The following LOC128092253 variants were observed in gnomAD, a reference collection of about 807,000 sequenced individuals.
chr6:133,973,589 T>C, the LOC128092253 span, among the ~76,000 whole-genome samples: 2 of 152,214 alleles, frequency 1.3e-5, no homozygotes, highest in Admixed American at 6.5e-5. Flanking sequence ...ATGTTTTCCA[T>C]TTAAGGTTTC....
chr6:133,967,078 CT>C, the LOC128092253 span, among the ~76,000 whole-genome samples: 1 of 152,202 alleles, frequency 6.6e-6, no homozygotes, highest in African/African-American at 2.4e-5. Flanking sequence ...TTCCTTTTCA[CT>C]TTTCTCACCG....
the LOC128092253 span, among the ~76,000 whole-genome samples, chr6:133,954,136 T>G: frequency 6.6e-6 from 1 of 152,218 alleles, no homozygotes; most frequent in Non-Finnish European, 1.5e-5. Context: ...GAGATGTGCA[T>G]CTGCAGGCTC....
chr6:133,972,603 A>G, the LOC128092253 span, among the ~76,000 whole-genome samples: 1 of 152,186 alleles, frequency 6.6e-6, no homozygotes, highest in African/African-American at 2.4e-5. Flanking sequence ...CTGTGTTCCA[A>G]TAAAACTTTT....
the LOC128092253 span, among the ~76,000 whole-genome samples, chr6:133,976,948 A>G: frequency 6.6e-6 from 1 of 151,802 alleles, no homozygotes. Flanking sequence ...AGCCTGGGCA[A>G]CAAAGCGAGA....
At chr6:133,958,965 T>C in the LOC128092253 span, among the ~76,000 whole-genome samples, 1 of 152,162 alleles carries the variant, frequency 6.6e-6, no homozygotes, top group Non-Finnish European at 1.5e-5. Flanking sequence ...AGAGAGGAAA[T>C]GATCATGACT....
the LOC128092253 span, among the ~76,000 whole-genome samples, chr6:133,974,891 A>C: frequency 6.6e-6 from 1 of 152,230 alleles, no homozygotes; most frequent in Admixed American, 6.5e-5. Flanking sequence ...CTAAGAAAAA[A>C]TGAATTTTAA....
the LOC128092253 span, among the ~76,000 whole-genome samples, chr6:133,971,628 A>C: frequency 1.3e-5 from 2 of 151,854 alleles, no homozygotes; most frequent in Non-Finnish European, 2.9e-5. Flanking sequence ...TAGCCATTCT[A>C]CCTGGAGTGA....
the LOC128092253 span, chr6:133,980,081 G>A: frequency 7.0e-7 from 1 of 1,429,646 alleles, no homozygotes; most frequent in Non-Finnish European, 9.2e-7. Context: ...TTATTTCTCA[G>A]GATGTGATCT....
the LOC128092253 span, among the ~76,000 whole-genome samples, chr6:133,974,004 C>CA: frequency 0.52 from 65,085 of 124,400 alleles, 15,803 homozygotes; most frequent in Non-Finnish European, 0.6. Flanking sequence ...CAGACTTTAC[C>CA]AAAAAAAAAA....
the LOC128092253 span, among the ~76,000 whole-genome samples, chr6:133,976,289 C>T: frequency 3.9e-5 from 6 of 151,946 alleles, no homozygotes; most frequent in East Asian, 1.9e-4. Flanking sequence ...TTGAAATGTT[C>T]GATTTCATAG....
At chr6:133,972,987 C>T in the LOC128092253 span, among the ~76,000 whole-genome samples, 80 of 152,226 alleles carry the variant, frequency 5.3e-4, 1 homozygote, top group South Asian at 0.016. Context: ...AACACTAGGT[C>T]AGAGCCCCCT....
chr6:133,972,110 ATCTCAATGTATT>A, the LOC128092253 span, among the ~76,000 whole-genome samples: 2 of 152,204 alleles, frequency 1.3e-5, no homozygotes, highest in East Asian at 3.8e-4. Flanking sequence ...CTGAAATTGT[ATCTCAATGTATT>A]TGTTACTGAG....
the LOC128092253 span, among the ~76,000 whole-genome samples, chr6:133,955,834 T>C: frequency 9.2e-5 from 14 of 152,208 alleles, no homozygotes; most frequent in African/African-American, 3.1e-4. Flanking sequence ...AATTATATTC[T>C]GCCAAATTTG....
At chr6:133,975,996 G>A in the LOC128092253 span, among the ~76,000 whole-genome samples, 81 of 152,080 alleles carry the variant, frequency 5.3e-4, no homozygotes, top group African/African-American at 1.9e-3. Flanking sequence ...TGTATTTTTG[G>A]TGGAGTTGCT....
the LOC128092253 span, among the ~76,000 whole-genome samples, chr6:133,954,552 A>G: frequency 2.0e-5 from 3 of 152,354 alleles, no homozygotes; most frequent in East Asian, 5.8e-4. Flanking sequence ...CAAGCTGCTT[A>G]ATGGTTTTAT....
At chr6:133,954,827 A>C in the LOC128092253 span, among the ~76,000 whole-genome samples, 1 of 152,170 alleles carries the variant, frequency 6.6e-6, no homozygotes, top group Admixed American at 6.5e-5. Flanking sequence ...CAGTATCAGA[A>C]ACTCTAGTGA....
chr6:133,963,500 C>T, the LOC128092253 span, among the ~76,000 whole-genome samples: 1 of 152,166 alleles, frequency 6.6e-6, no homozygotes, highest in Non-Finnish European at 1.5e-5. Flanking sequence ...TCATAACTCA[C>T]TGCAGCCTTG....
the LOC128092253 span, among the ~76,000 whole-genome samples, chr6:133,955,216 A>T: frequency 6.8e-6 from 1 of 147,728 alleles, no homozygotes; most frequent in African/African-American, 2.5e-5. Flanking sequence ...CTGCCATCAG[A>T]CTCACTTGAC....
the LOC128092253 span, among the ~76,000 whole-genome samples, chr6:133,956,871 T>G: frequency 6.6e-6 from 1 of 152,216 alleles, no homozygotes; most frequent in Non-Finnish European, 1.5e-5. Context: ...ACTACCACTT[T>G]GGGAAATTTC....
Sources: allele counts gnomAD v4.1 joint callset (sites outside exome capture counted in the v4.1 genomes callset), GRCh38; gene constraint gnomAD v4.1.1; transcripts MANE v1.5.